FAF1: variants seen among roughly 807,000 people sequenced by gnomAD.
FAF1 encodes the protein Fas associated factor 1, also known as FAS-associated factor 1.
FAF1 carries 25 observed loss-of-function variants against 92.5 expected under a neutral mutation model. The observed-to-expected ratio is 0.27, with a 90% CI of 0.20 to 0.38. The LOEUF (loss-of-function observed/expected upper bound fraction) is 0.38, where lower values mean the gene tolerates loss of function less well. FAF1 is among the 10% of genes least tolerant of loss of function. The probability of loss-of-function intolerance (pLI) is 1.00; values close to 1 mark genes in which losing one functional copy is unlikely to be tolerated. For missense variants in FAF1, 636 were observed against 793.3 expected (o/e 0.80, Z 2.38); for synonymous variants, 234 against 273.2 (o/e 0.86, Z 1.42).
At chr1:50,553,597 T>TGCACAGCACCAGACAAACCTCCTCTA (rs1553226192) in intron 13 of FAF1, among the ~76,000 whole-genome samples, 2 of 152,186 alleles carry the variant, frequency 1.3e-5, no homozygotes, top group Non-Finnish European at 2.9e-5. Context: ...GATAGAACTG[T>TGCACAGCACCAGACAAACCTCCTCTA]GCACAGCACC....
At chr1:50,497,659 C>T (rs1226376562) in intron 15 of FAF1, among the ~76,000 whole-genome samples, 1 of 144,638 alleles carries the variant, frequency 6.9e-6, no homozygotes, top group Admixed American at 7.4e-5. Flanking sequence ...AAGCAATTCT[C>T]TGCCTCAGTC....
At chr1:50,576,452 C>T (rs999567524) in intron 12 of FAF1, among the ~76,000 whole-genome samples, 2 of 152,178 alleles carry the variant, frequency 1.3e-5, no homozygotes, top group Non-Finnish European at 2.9e-5. Context: ...GGGAAAGGAA[C>T]AATCCTTCAC....
chr1:50,461,221 G>A (rs1385404416), intron 18 of FAF1, among the ~76,000 whole-genome samples: 1 of 152,086 alleles, frequency 6.6e-6, no homozygotes, highest in East Asian at 1.9e-4. Flanking sequence ...TTAACCTCAG[G>A]TGTATTATTA....
At chr1:50,840,696 G>C (rs1310491934) in intron 2 of FAF1, among the ~76,000 whole-genome samples, 9 of 151,836 alleles carry the variant, frequency 5.9e-5, no homozygotes. Flanking sequence ...CTATAAATTG[G>C]TATACTTCTC....
Position 50,621,404 on chromosome 1 carries a change from T to C in FAF1, c.745-25188A>G, listed in dbSNP as rs867822706. ...CTTTCTTTTTTTCTTTTTTTTTTTT[T>C]TTTTTTTTTTTTTGAGATGGAGTCT... On this transcript the variant is annotated intron_variant, in intron 8 of 18. Coordinates refer to ENST00000396153, the MANE Select transcript of FAF1 (RefSeq NM_007051.3). 3.4e-3 allele frequency among the ~76,000 whole-genome samples: 469 copies of C among 136,242 alleles called. 4 individuals are homozygous for C. The highest frequency in any genetic ancestry group is 6.7e-3 in the Admixed American group (92 of 13,770). The allele number at this position is 136,242 out of a possible 152,430, so 89.4% of individuals were successfully genotyped here. A position where few individuals can be genotyped will look rare whatever the true frequency, so the allele number is the denominator to read the frequency against.
At chr1:50,626,930 A>G (rs1653525049) in intron 8 of FAF1, among the ~76,000 whole-genome samples, 1 of 152,200 alleles carries the variant, frequency 6.6e-6, no homozygotes, top group African/African-American at 2.4e-5. Context: ...AAAGTCAGCA[A>G]GACAGAGAGA....
chr1:50,934,525 C>G (rs950767680), intron 1 of FAF1, among the ~76,000 whole-genome samples: 5 of 152,088 alleles, frequency 3.3e-5, no homozygotes, highest in African/African-American at 1.2e-4. Context: ...AAGTTTGAGA[C>G]CAGCCTGGGC....
chr1:50,816,987 G>A (rs1643983463), intron 2 of FAF1, among the ~76,000 whole-genome samples: 1 of 152,100 alleles, frequency 6.6e-6, no homozygotes, highest in Non-Finnish European at 1.5e-5. Flanking sequence ...AGATTAGATG[G>A]CTGTAGGTGT....
chr1:50,618,380 T>C (rs1291409342), intron 8 of FAF1, among the ~76,000 whole-genome samples: 2 of 151,864 alleles, frequency 1.3e-5, no homozygotes, highest in African/African-American at 4.8e-5. Context: ...TGGAGCAAGT[T>C]GTTTAATATC....
intron 1 of FAF1, among the ~76,000 whole-genome samples, chr1:50,940,436 T>C (rs1195034227): frequency 1.3e-5 from 2 of 152,202 alleles, no homozygotes; most frequent in Admixed American, 6.5e-5. Context: ...CTGTTGTTCA[T>C]TTGTTTTGTA....
chr1:50,865,475 T>A (rs1389793738), intron 1 of FAF1, among the ~76,000 whole-genome samples: 1 of 146,206 alleles, frequency 6.8e-6, no homozygotes, highest in East Asian at 2.0e-4. Context: ...TAAGAAAATG[T>A]GGCACATATA....
chr1:50,475,443 G>T, intron 18 of FAF1, 21 bp downstream of exon 18: 1 of 1,572,864 alleles, frequency 6.4e-7, no homozygotes, highest in Admixed American at 1.7e-5. Flanking sequence ...TATACTTCCT[G>T]AGATAGGTAT....
chr1:50,480,064 C>T (rs1036675070), intron 17 of FAF1, among the ~76,000 whole-genome samples: 1 of 152,112 alleles, frequency 6.6e-6, no homozygotes, highest in Non-Finnish European at 1.5e-5. Flanking sequence ...ATTTGCTCAA[C>T]AAATATAGTT....
intron 15 of FAF1, among the ~76,000 whole-genome samples, chr1:50,501,303 C>T (rs541815847): frequency 1.3e-3 from 195 of 152,270 alleles, no homozygotes; most frequent in Non-Finnish European, 2.4e-3. Flanking sequence ...TCTCATTAAT[C>T]GTCAAGAAAA....
intron 1 of FAF1, among the ~76,000 whole-genome samples, chr1:50,888,877 A>C (rs891406715): frequency 6.6e-5 from 10 of 152,198 alleles, no homozygotes; most frequent in Non-Finnish European, 1.5e-4. Context: ...TGCTGGCTTC[A>C]TAAAATGAGT....
intron 8 of FAF1, among the ~76,000 whole-genome samples, chr1:50,635,174 A>G (rs1653955715): frequency 6.6e-6 from 1 of 152,208 alleles, no homozygotes; most frequent in Admixed American, 6.5e-5. Context: ...CATACAAACC[A>G]AAGTACCATG....
chr1:50,899,989 C>T (rs1243218586), intron 1 of FAF1, among the ~76,000 whole-genome samples: 1 of 152,148 alleles, frequency 6.6e-6, no homozygotes, highest in Admixed American at 6.5e-5. Context: ...ATAGTCTATG[C>T]TTTGTGTGAG....
At chr1:50,511,795 T>C (rs1047986647) in intron 15 of FAF1, among the ~76,000 whole-genome samples, 3 of 152,206 alleles carry the variant, frequency 2.0e-5, no homozygotes, top group African/African-American at 7.2e-5. Flanking sequence ...GTATTTCTGG[T>C]TCTAGATCCT....
intron 1 of FAF1, 103 bp from the exon 2 acceptor site, chr1:50,858,100 A>AGGTATATG: frequency 1.4e-6 from 1 of 734,158 alleles, no homozygotes; most frequent in Non-Finnish European, 2.2e-6. Context: ...AAATTCAAAT[A>AGGTATATG]GGTATATGAA....
Sources: gnomAD v4.1 joint callset for allele counts (sites outside exome capture counted in the v4.1 genomes callset) on GRCh38, gnomAD v4.1.1 for gene constraint, MANE v1.5 for transcripts, NCBI Gene and HGNC (gene_info 2026-07-23, HGNC 2026-07-21) for gene names.